The following PRKCE variants were observed in gnomAD, a reference collection of about 807,000 sequenced individuals.
PRKCE encodes the protein protein kinase C epsilon.
PRKCE carries 16 observed loss-of-function variants against 85.4 expected under a neutral mutation model. That is an observed-to-expected ratio of 0.19 (90% confidence interval 0.13 to 0.28). PRKCE has a LOEUF of 0.28. Ranked by LOEUF, PRKCE falls within the 10% of genes least tolerant of loss-of-function variation. The pLI, the probability that PRKCE is intolerant of heterozygous loss-of-function variation, is 1.00. For synonymous variants in PRKCE, 388 were observed against 371.5 expected (o/e 1.04, Z -0.51); for missense variants, 573 against 975.2 (o/e 0.59, Z 5.49).
At chr2:46,050,119 G>A (rs185370112) in intron 10 of PRKCE, among the ~76,000 whole-genome samples, 358 of 152,354 alleles carry the variant, frequency 2.3e-3, no homozygotes, top group African/African-American at 8.4e-3. Flanking sequence ...GCTTAGCTGG[G>A]CTCATGGCCT....
intron 11 of PRKCE, among the ~76,000 whole-genome samples, chr2:46,118,089 G>A (rs549727343): frequency 1.7e-4 from 26 of 152,276 alleles, no homozygotes; most frequent in African/African-American, 6.0e-4. Context: ...AAAAAATGTT[G>A]ACCAATAGCA....
chr2:45,761,064 A>C lies in PRKCE; in HGVS notation c.349-81936A>C, dbSNP rs1033093260. On this transcript the variant is annotated intron_variant, in intron 1 of 14. Coordinates refer to ENST00000306156, the MANE Select transcript of PRKCE (RefSeq NM_005400.3). ...AATTTAAGGCCGGGCATGGTGGCTC[A>C]CGCCTGTAATCCCAGCACTTTGGGA... 3.3e-5 allele frequency among the ~76,000 whole-genome samples: 5 copies of C among 152,306 alleles called. No homozygotes were observed. In the South Asian group the frequency reaches 6.2e-4, roughly 19 times the overall value.
rs6705899 is a variant in PRKCE at position 45,746,718 on chromosome 2, G to A, written c.348+94270G>A. On this transcript the variant is annotated intron_variant, in intron 1 of 14. Coordinates refer to ENST00000306156, the MANE Select transcript of PRKCE (RefSeq NM_005400.3). The stretch of plus-strand genomic sequence containing the variant: ...ATGGACATTATACAAGACTTTTGTG[G>A]CTGGCTTGTTTTACTTAGCATAATT... Among the ~76,000 whole-genome samples the A allele has an allele frequency of 4.8e-3, 735 of 152,238 alleles. 11 individuals carry two copies. The highest frequency in any genetic ancestry group is 0.017 in the African/African-American group (707 of 41,536).
At chr2:45,840,860 G>T (rs1264850528) in intron 1 of PRKCE, among the ~76,000 whole-genome samples, 1 of 152,186 alleles carries the variant, frequency 6.6e-6, no homozygotes, top group Non-Finnish European at 1.5e-5. Flanking sequence ...GGGACATGTG[G>T]TGCTCATGGT....
intron 1 of PRKCE, among the ~76,000 whole-genome samples, chr2:45,657,853 T>G (rs750875481): frequency 1.3e-5 from 2 of 152,156 alleles, no homozygotes; most frequent in Non-Finnish European, 2.9e-5. Context: ...CCCACCAGAA[T>G]CACTTGGGGG....
intron 1 of PRKCE, among the ~76,000 whole-genome samples, chr2:45,768,529 C>A (rs1685081257): frequency 6.6e-6 from 1 of 152,138 alleles, no homozygotes; most frequent in Admixed American, 6.5e-5. Context: ...TGATAGTTGG[C>A]CAGGGGGCTC....
intron 10 of PRKCE, among the ~76,000 whole-genome samples, chr2:46,012,672 A>G (rs1319292310): frequency 2.6e-5 from 4 of 152,192 alleles, no homozygotes; most frequent in South Asian, 2.1e-4. Context: ...TGAGGGCTCT[A>G]TGGAGCCCCT....
intron 12 of PRKCE, 46 bp from the exon 13 acceptor site, chr2:46,150,995 G>T (rs889788733): frequency 7.7e-6 from 12 of 1,551,312 alleles, no homozygotes; most frequent in Non-Finnish European, 1.0e-5. Flanking sequence ...GTGTCACTGG[G>T]GTGGGAGCCT....
chr2:46,116,694 C>T (rs966474967), intron 11 of PRKCE, among the ~76,000 whole-genome samples: 2 of 152,012 alleles, frequency 1.3e-5, no homozygotes, highest in Admixed American at 6.5e-5. Context: ...TGGCCAGAGA[C>T]GCTAATTCAG....
intron 11 of PRKCE, among the ~76,000 whole-genome samples, chr2:46,144,414 C>G (rs1270708175): frequency 4.6e-5 from 7 of 152,168 alleles, no homozygotes; most frequent in Non-Finnish European, 1.0e-4. Flanking sequence ...ACATTCCTGT[C>G]TTGCTTCACC....
At chr2:45,850,418 G>T (rs557523813) in intron 2 of PRKCE, among the ~76,000 whole-genome samples, 1 of 152,150 alleles carries the variant, frequency 6.6e-6, no homozygotes, top group South Asian at 2.1e-4. Context: ...AAAGAAGATT[G>T]TTTCTGGAAA....
intron 10 of PRKCE, among the ~76,000 whole-genome samples, chr2:46,070,248 C>T (rs1045641751): frequency 2.6e-5 from 4 of 152,166 alleles, no homozygotes; most frequent in Non-Finnish European, 4.4e-5. Context: ...GACTTGAGAC[C>T]ACCTCTATAA....
chr2:46,127,787 G>A (rs755473312), intron 11 of PRKCE, among the ~76,000 whole-genome samples: 1 of 152,222 alleles, frequency 6.6e-6, no homozygotes, highest in African/African-American at 2.4e-5. Context: ...CATGGATAAA[G>A]AATTTGCTGG....
At chr2:46,127,776 G>T (rs577340991) in intron 11 of PRKCE, among the ~76,000 whole-genome samples, 11 of 152,226 alleles carry the variant, frequency 7.2e-5, no homozygotes, top group Non-Finnish European at 1.3e-4. Context: ...TGCCTAACTT[G>T]CATGGATAAA....
At chr2:45,768,470 C>A (rs1405038297) in intron 1 of PRKCE, among the ~76,000 whole-genome samples, 2 of 152,108 alleles carry the variant, frequency 1.3e-5, no homozygotes, top group African/African-American at 4.8e-5. Context: ...AAATGAAGGA[C>A]ATTTTAGCTT....
chr2:45,667,065 C>A (rs867122354), intron 1 of PRKCE, among the ~76,000 whole-genome samples: 6 of 152,142 alleles, frequency 3.9e-5, no homozygotes, highest in African/African-American at 9.7e-5. Flanking sequence ...AATCCCAGCA[C>A]TTTGGGAGGC....
chr2:45,897,839 T>A (rs1375689818), intron 2 of PRKCE, among the ~76,000 whole-genome samples: 1 of 152,176 alleles, frequency 6.6e-6, no homozygotes, highest in Non-Finnish European at 1.5e-5. Flanking sequence ...TCACAAGAAA[T>A]TAAATTATTT....
intron 2 of PRKCE, among the ~76,000 whole-genome samples, chr2:45,868,993 A>C (rs1693860040): frequency 6.6e-6 from 1 of 151,830 alleles, no homozygotes; most frequent in Non-Finnish European, 1.5e-5. Context: ...AAGAAAACGT[A>C]AATAAATAAG....
intron 1 of PRKCE, among the ~76,000 whole-genome samples, chr2:45,688,706 T>A (rs1302270831): frequency 6.6e-6 from 1 of 152,196 alleles, no homozygotes; most frequent in African/African-American, 2.4e-5. Context: ...AGCTATTGCA[T>A]TGGTAAGTCA....
Sources: gnomAD v4.1 joint callset for allele counts (sites outside exome capture counted in the v4.1 genomes callset) on GRCh38, gnomAD v4.1.1 for gene constraint, MANE v1.5 for transcripts, NCBI Gene and HGNC (gene_info 2026-07-23, HGNC 2026-07-21) for gene names.